Variants in MYRIP observed in about 807,000 individuals in gnomAD.
MYRIP encodes rab effector MyRIP.
A neutral mutation model predicts 98.0 loss-of-function variants in MYRIP; 49 were observed. The observed-to-expected ratio is 0.50, with a 90% confidence interval of 0.40 to 0.63. The LOEUF (loss-of-function observed/expected upper bound fraction) is 0.63. Among genes scored for constraint, MYRIP ranks in the 30% least tolerant of loss-of-function variants. MYRIP has a pLI of 0.00. For missense variants in MYRIP, 1,004 were observed against 1,058.2 expected (o/e 0.95, Z 0.71); for synonymous variants, 404 against 409.5 (o/e 0.99, Z 0.16).
chr3:39,875,925 A>C (rs550239674), intron 1 of MYRIP, among the ~76,000 whole-genome samples: 91 of 152,012 alleles, frequency 6.0e-4, no homozygotes, highest in African/African-American at 2.0e-3. Context: ...TGATCTGTCT[A>C]ATGTTGACAG....
At chr3:40,215,607 T>A (rs933965796) in intron 11 of MYRIP, among the ~76,000 whole-genome samples, 1 of 152,084 alleles carries the variant, frequency 6.6e-6, no homozygotes, top group Non-Finnish European at 1.5e-5. Context: ...TGAAAAAAAA[T>A]TTGTTGATGT....
At chr3:40,226,762 C>T (rs1018623566) in intron 11 of MYRIP, among the ~76,000 whole-genome samples, 48 of 152,160 alleles carry the variant, frequency 3.2e-4, no homozygotes, top group African/African-American at 1.1e-3. Flanking sequence ...GCACTTATCC[C>T]AGAGCCTAGC....
At chr3:40,189,448 G>A (rs1268988140) in intron 9 of MYRIP, among the ~76,000 whole-genome samples, 2 of 152,198 alleles carry the variant, frequency 1.3e-5, no homozygotes, top group African/African-American at 4.8e-5. Context: ...AGACAAAATT[G>A]TAGCCCAAGG....
chr3:40,224,123 G>A (rs1952422673), intron 11 of MYRIP, among the ~76,000 whole-genome samples: 2 of 152,136 alleles, frequency 1.3e-5, no homozygotes, highest in Admixed American at 1.3e-4. Flanking sequence ...GAGGGCAGGG[G>A]CTAGAGCAAG....
chr3:40,218,612 T>TCA, intron 11 of MYRIP, among the ~76,000 whole-genome samples: 1 of 13,574 alleles, frequency 7.4e-5, no homozygotes, highest in South Asian at 2.8e-3. Context: ...TATATATATT[T>TCA]TATATATATA....
Position 40,190,088 on chromosome 3 carries a change from C to A in MYRIP, c.1290C>A (p.Ser430Arg). The stretch of plus-strand genomic sequence containing the variant: ...AGCCTCAGCCCACACAGGCCCAGAG[C>A]TCTGACCAAGGCCCCATAGCTGCCT... ...NPQPQPTQAQ[S>R]SDQGPIAASP... Residue 430 changes from serine to arginine, a missense_variant, in exon 10 of 17, where the codon AGC (serine) becomes AGA (arginine). This residue lies in a region of MYRIP where 880 missense variants were observed against 907.7 expected (regional missense o/e 0.97). Transcript: ENST00000302541. The A allele has an allele frequency of 2.5e-6, 4 of 1,614,008 alleles. No individual in the cohort carries two copies. The highest frequency in any genetic ancestry group is 3.4e-6 in the Non-Finnish European group (4 of 1,179,948).
At chr3:40,073,200 G>A (rs1670919782) in intron 3 of MYRIP, among the ~76,000 whole-genome samples, 1 of 152,170 alleles carries the variant, frequency 6.6e-6, no homozygotes, top group Non-Finnish European at 1.5e-5. Context: ...GTTACCAGAA[G>A]TATGAGGGTT....
intron 1 of MYRIP, among the ~76,000 whole-genome samples, chr3:39,857,255 G>GGAAGGAAGGGAGGAAGGA (rs545371213): frequency 7.4e-6 from 1 of 135,860 alleles, no homozygotes; most frequent in Non-Finnish European, 1.5e-5. Context: ...GGGAGGGAGG[G>GGAAGGAAGGGAGGAAGGA]AGGAAGGAAG....
intron 2 of MYRIP, among the ~76,000 whole-genome samples, chr3:39,969,619 C>T (rs1945527918): frequency 6.6e-6 from 1 of 152,030 alleles, no homozygotes; most frequent in Admixed American, 6.6e-5. Context: ...TGTGATGAAT[C>T]ACATGTAATG....
intron 1 of MYRIP, among the ~76,000 whole-genome samples, chr3:39,866,993 G>A (rs1006879919): frequency 6.6e-6 from 1 of 152,074 alleles, no homozygotes; most frequent in African/African-American, 2.4e-5. Context: ...TAGACCAGTG[G>A]AACAGAACTG....
chr3:39,825,831 C>A (rs543595602), intron 1 of MYRIP, among the ~76,000 whole-genome samples: 1 of 151,940 alleles, frequency 6.6e-6, no homozygotes, highest in African/African-American at 2.4e-5. Flanking sequence ...TTTTGGGAGG[C>A]TTTTTACTAC....
chr3:39,876,017 G>A (rs939497683), intron 1 of MYRIP, among the ~76,000 whole-genome samples: 1 of 152,056 alleles, frequency 6.6e-6, no homozygotes, highest in African/African-American at 2.4e-5. Context: ...TTATGAATCT[G>A]GGTGCTCCTG....
At chr3:40,081,165 C>T (rs531149165) in intron 3 of MYRIP, among the ~76,000 whole-genome samples, 168 of 152,220 alleles carry the variant, frequency 1.1e-3, no homozygotes, top group African/African-American at 4.0e-3. Context: ...TTATGGTCAA[C>T]TTTCCTAAGT....
At chr3:39,945,476 C>CAAAAAA (rs67748992) in intron 2 of MYRIP, among the ~76,000 whole-genome samples, 6 of 65,172 alleles carry the variant, frequency 9.2e-5, no homozygotes, top group Non-Finnish European at 1.4e-4. Context: ...GACTCCATCT[C>CAAAAAA]AAAAAAAAAA....
chr3:40,162,977 C>A, intron 5 of MYRIP, 167 bp downstream of exon 5: 2 of 581,744 alleles, frequency 3.4e-6, no homozygotes, highest in South Asian at 2.4e-5. Flanking sequence ...TTGTATGAAT[C>A]CATCATCAAA....
At chr3:40,099,358 A>G (rs1948895926) in intron 3 of MYRIP, among the ~76,000 whole-genome samples, 1 of 152,244 alleles carries the variant, frequency 6.6e-6, no homozygotes, top group African/African-American at 2.4e-5. Flanking sequence ...AAGCATTGTA[A>G]TTTGGTGGAG....
chr3:40,134,105 C>T lies in MYRIP; in HGVS notation c.333-16943C>T, dbSNP rs530805643. ...GCGAGGCATTGCCACACCCGGGAAG[C>T]GCAAGAAATCAGGGAATTCCCTTTC... On this transcript the variant is annotated intron_variant, in intron 3 of 16. Transcript: ENST00000302541. 7.9e-4 allele frequency among the ~76,000 whole-genome samples: 121 copies of T among 152,316 alleles called. 1 individual carries two copies. Among genetic ancestry groups the T allele is most frequent in the African/African-American group, 2.7e-3 (112 of 41,558 alleles).
chr3:39,905,985 T>C (rs1943869588), intron 2 of MYRIP, among the ~76,000 whole-genome samples: 1 of 152,116 alleles, frequency 6.6e-6, no homozygotes, highest in Admixed American at 6.5e-5. Context: ...CAAGGTCATG[T>C]GAGGATCCTG....
intron 12 of MYRIP, among the ~76,000 whole-genome samples, chr3:40,241,034 G>C (rs912978389): frequency 6.6e-6 from 1 of 152,126 alleles, no homozygotes; most frequent in African/African-American, 2.4e-5. Flanking sequence ...CAGGGAACAG[G>C]GCAGGACAAA....
Sources: gnomAD v4.1 joint callset for allele counts (sites outside exome capture counted in the v4.1 genomes callset) on GRCh38, gnomAD v4.1.1 for gene constraint, gnomAD v4.1.1 regional missense constraint, MANE v1.5 for transcripts, NCBI Gene and HGNC (gene_info 2026-07-23, HGNC 2026-07-21) for gene names.